The following SNUPN variants were observed in gnomAD, a reference collection of about 807,000 sequenced individuals.
SNUPN encodes the protein snurportin-1.
A neutral mutation model predicts 39.2 loss-of-function variants in SNUPN; 31 were observed. The observed-to-expected ratio is 0.79, with a 90% CI of 0.59 to 1.07. The LOEUF is 1.07. Among genes scored for constraint, SNUPN ranks in the 50% least tolerant of loss-of-function variants. SNUPN has a pLI of 0.00. For synonymous variants in SNUPN, 132 were observed against 159.0 expected (o/e 0.83, Z 1.28); for missense variants, 382 against 434.2 (o/e 0.88, Z 1.07).
Position 75,598,220 on chromosome 15 carries a change from A to C in SNUPN, c.*138T>G. 1 of 656,424 alleles carries C rather than the reference A, an allele frequency of 1.5e-6. No homozygotes were observed. Among genetic ancestry groups the C allele is most frequent in the Non-Finnish European group, 2.6e-6 (1 of 388,420 alleles). The allele number at this position is 656,424 out of a possible 1,614,324, so 40.7% of individuals were successfully genotyped here. A position where few individuals can be genotyped will look rare whatever the true frequency, so the allele number is the denominator to read the frequency against. ...TGTTTGAGCCAGCATTTCAGATTAT[A>C]GATAAGCTGTTTCCAGCTGGACTGG... On this transcript the variant is annotated 3_prime_UTR_variant, in exon 9 of 9. Transcript: ENST00000308588.
intron 3 of SNUPN, among the ~76,000 whole-genome samples, chr15:75,615,899 C>T (rs1349145268): frequency 6.6e-6 from 1 of 152,060 alleles, no homozygotes; most frequent in Non-Finnish European, 1.5e-5. Context: ...TGAGCCACTG[C>T]ACCTGGCCAG....
At chr15:75,604,390 G>A (rs2075315383) in intron 7 of SNUPN, among the ~76,000 whole-genome samples, 1 of 152,028 alleles carries the variant, frequency 6.6e-6, no homozygotes, top group African/African-American at 2.4e-5. Flanking sequence ...TCGAATTCCT[G>A]ACCTCAAATG....
At chr15:75,618,228 G>A in intron 2 of SNUPN, among the ~76,000 whole-genome samples, 1 of 152,104 alleles carries the variant, frequency 6.6e-6, no homozygotes, top group Admixed American at 6.6e-5. Context: ...AGACCCCAGG[G>A]GTGGAAGAGA....
chr15:75,615,295 G>A (rs28412110), intron 3 of SNUPN, among the ~76,000 whole-genome samples: 2,994 of 151,980 alleles, frequency 0.02, 89 homozygotes, highest in African/African-American at 0.069. Context: ...ATGAGCCACT[G>A]TGCCCAGCCT....
intron 8 of SNUPN, among the ~76,000 whole-genome samples, chr15:75,599,149 C>T (rs1488988892): frequency 6.6e-6 from 1 of 150,432 alleles, no homozygotes; most frequent in African/African-American, 2.5e-5. Flanking sequence ...AGCCTGGCGA[C>T]AGAGTGAGAC....
In SNUPN at chr15:75,601,193, A is replaced by G; in HGVS notation, c.704T>C (p.Phe235Ser). ...NPFKFVGLKN[F>S]PCTPESLCDV... The stretch of plus-strand genomic sequence containing the variant: ...ACACAGGCTTTCGGGAGTGCAAGGG[A>G]AGTTCTTTAGCCCCACAAATTTAAA... The change falls in exon 8 of 9, where the codon TTC (phenylalanine) becomes TCC (serine). Residue 235 changes from phenylalanine to serine, a missense_variant. Phe to Ser is a radical substitution (Grantham distance 155). Transcript: ENST00000308588. 6.2e-7 allele frequency: 1 copy of G among 1,613,566 alleles called. No individual in the cohort carries two copies. Among genetic ancestry groups the G allele is most frequent in the Non-Finnish European group, 8.5e-7 (1 of 1,179,578 alleles).
chr15:75,617,097 G>A (rs1262822543), intron 3 of SNUPN, among the ~76,000 whole-genome samples: 2 of 152,234 alleles, frequency 1.3e-5, no homozygotes, highest in African/African-American at 2.4e-5. Flanking sequence ...GATATGGAGT[G>A]TGTTACTATA....
rs1308087359 is a variant in SNUPN at position 75,607,081 on chromosome 15, TTAGA to T, written c.600+131_600+134del. The T allele has an allele frequency of 9.9e-6, 7 of 703,958 alleles. No homozygotes were observed. The East Asian group carries it at 1.8e-4, about 18-fold the overall frequency. The allele number at this position is 703,958 out of a possible 1,614,324, so 43.6% of individuals were successfully genotyped here. A position where few individuals can be genotyped will look rare whatever the true frequency, so the allele number is the denominator to read the frequency against. On this transcript the variant is annotated intron_variant, in intron 6 of 8. Transcript: ENST00000308588. ...AACACACTCAAAGATGCAGGGAGCA[TTAGA>T]TAATGTTCTTGATATACCACATCCT...
intron 2 of SNUPN, among the ~76,000 whole-genome samples, chr15:75,618,279 G>A (rs1448874418): frequency 2.0e-5 from 3 of 152,112 alleles, no homozygotes; most frequent in Non-Finnish European, 4.4e-5. Flanking sequence ...AGCAAGGACA[G>A]CTTCTGGAGA....
intron 3 of SNUPN, among the ~76,000 whole-genome samples, chr15:75,613,362 A>G (rs781554698): frequency 1.3e-5 from 2 of 151,952 alleles, no homozygotes; most frequent in Non-Finnish European, 2.9e-5. Flanking sequence ...GTTTAACATC[A>G]GGCCAGGTGC....
In SNUPN at chr15:75,620,775, G is replaced by C. The variant is rs539704695; in HGVS notation, c.158+119C>G. ...ACCCCTCCCAACCTGTGGGCAAGAAGATCAGCCTACAAAGAGTCTACTTTG... is the reference window on the plus strand; with the variant it reads ...ACCCCTCCCAACCTGTGGGCAAGAACATCAGCCTACAAAGAGTCTACTTTG... On this transcript the variant is annotated intron_variant, in intron 2 of 8. Coordinates refer to ENST00000308588, the MANE Select transcript of SNUPN (RefSeq NM_005701.4). 1.4e-5 allele frequency: 12 copies of C among 867,722 alleles called. No homozygotes were observed. The South Asian group carries it at 2.1e-4, about 15-fold the overall frequency. 53.8% of individuals were successfully genotyped at this position (867,722 alleles called of 1,614,324 possible).
At chr15:75,617,651 A>G in intron 2 of SNUPN, 99 bp from the exon 3 acceptor site, 1 of 1,313,652 alleles carries the variant, frequency 7.6e-7, no homozygotes, top group African/African-American at 1.5e-5. Flanking sequence ...GTGCAATCTC[A>G]GCTCACTGCA....
intron 7 of SNUPN, among the ~76,000 whole-genome samples, chr15:75,604,573 C>G (rs1296510768): frequency 6.6e-6 from 1 of 152,120 alleles, no homozygotes; most frequent in Non-Finnish European, 1.5e-5. Flanking sequence ...TTATTGAGTG[C>G]CTACCATGAG....
At chr15:75,604,728 T>C (rs1455387334) in intron 7 of SNUPN, among the ~76,000 whole-genome samples, 3 of 152,214 alleles carry the variant, frequency 2.0e-5, no homozygotes, top group African/African-American at 4.8e-5. Context: ...TTTTTTTTAG[T>C]CTTTTTTTAG....
chr15:75,621,136 G>T, intron 1 of SNUPN, 80 bp from the exon 2 acceptor site: 1 of 1,357,354 alleles, frequency 7.4e-7, no homozygotes, highest in Non-Finnish European at 1.0e-6. Flanking sequence ...GTTATGATAT[G>T]ATGGCCACAT....
intron 3 of SNUPN, among the ~76,000 whole-genome samples, chr15:75,615,260 C>T (rs1892893722): frequency 6.6e-6 from 1 of 152,100 alleles, no homozygotes; most frequent in Non-Finnish European, 1.5e-5. Context: ...TGGCCTTAGC[C>T]TCCCAAAGTG....
At chr15:75,606,379 G>A (rs2075331247) in intron 6 of SNUPN, among the ~76,000 whole-genome samples, 1 of 151,936 alleles carries the variant, frequency 6.6e-6, no homozygotes, top group African/African-American at 2.4e-5. Context: ...ATCACTGGAG[G>A]CCTGTTCACA....
chr15:75,620,898 T>C lies in SNUPN; in HGVS notation c.154A>G (p.Lys52Glu). ...AAGGAGTTAAAGCTTCCTTACGATT[T>C]CTGCAGTTCCAGTAACCTCCGGCGG... ...ERRRRLLELQKSKRLDYVNHA... is the reference protein window; with the variant it reads ...ERRRRLLELQESKRLDYVNHA... The change falls in exon 2 of 9, where the codon AAA becomes GAA. Residue 52 changes from lysine (K) to glutamate (E), a missense_variant. Lys to Glu is a moderately conservative substitution (Grantham distance 56, BLOSUM62 1). Coordinates refer to ENST00000308588, the MANE Select transcript of SNUPN (RefSeq NM_005701.4). The C allele has an allele frequency of 6.2e-7, 1 of 1,612,708 alleles. No homozygotes were observed. The highest frequency in any genetic ancestry group is 8.5e-7 in the Non-Finnish European group (1 of 1,179,584).
intron 1 of SNUPN, 90 bp from the exon 2 acceptor site, chr15:75,621,146 T>A: frequency 7.7e-7 from 1 of 1,292,954 alleles, no homozygotes; most frequent in South Asian, 1.4e-5. Context: ...GATGGCCACA[T>A]TCCTGAAAAA....
Sources: allele counts gnomAD v4.1 joint callset (sites outside exome capture counted in the v4.1 genomes callset), GRCh38; gene constraint gnomAD v4.1.1; transcripts MANE v1.5; gene names NCBI Gene and HGNC (gene_info 2026-07-23, HGNC 2026-07-21).